The following NRXN3 variants were observed in gnomAD, a reference collection of about 807,000 sequenced individuals.
NRXN3 encodes the protein neurexin 3.
A neutral mutation model predicts 137.6 loss-of-function variants in NRXN3; 32 were observed. That is an observed-to-expected ratio of 0.23 (90% CI 0.18 to 0.31). The LOEUF (loss-of-function observed/expected upper bound fraction) is 0.31. NRXN3 is among the 10% of genes least tolerant of loss of function. NRXN3 has a pLI of 1.00. For missense variants in NRXN3, 1,574 were observed against 2,062.5 expected (o/e 0.76, Z 4.59); for synonymous variants, 798 against 784.5 (o/e 1.02, Z -0.29).
intron 19 of NRXN3, among the ~76,000 whole-genome samples, chr14:79,712,342 T>TA (rs2098807350): frequency 6.6e-6 from 1 of 152,250 alleles, no homozygotes; most frequent in Non-Finnish European, 1.5e-5. Context: ...CACACTTTTT[T>TA]ACCTTCCAGT....
chr14:79,396,237 G>A (rs888874897), intron 15 of NRXN3, among the ~76,000 whole-genome samples: 15 of 151,928 alleles, frequency 9.9e-5, no homozygotes, highest in African/African-American at 1.9e-4. Flanking sequence ...CGGGGGTTGC[G>A]TAATTATAGG....
Position 78,815,479 on chromosome 14 carries a change from C to CTTTTTTTT in NRXN3, c.2275+5150_2275+5157dup, listed in dbSNP as rs61411777. ...ACTTGCTTGGATAATTTGTTTCTTT[C>CTTTTTTTT]TTTTTTTTTTTTTTTTTTTTTTGCC... On this transcript the variant is annotated intron_variant, in intron 10 of 20. Transcript: ENST00000335750. 3.8e-3 allele frequency among the ~76,000 whole-genome samples: 324 copies of CTTTTTTTT among 84,416 alleles called. 4 individuals carry two copies. Among genetic ancestry groups the CTTTTTTTT allele is most frequent in the East Asian group, 9.1e-3 (20 of 2,198 alleles). The allele number at this position is 84,416 out of a possible 152,430, so 55.4% of individuals were successfully genotyped here.
At chr14:79,163,767 C>CA (rs765236355) in intron 15 of NRXN3, among the ~76,000 whole-genome samples, 2 of 151,886 alleles carry the variant, frequency 1.3e-5, no homozygotes, top group Non-Finnish European at 2.9e-5. Flanking sequence ...TTAGCCCTGC[C>CA]AAATGAATTT....
chr14:79,502,123 G>A (rs1202925895), intron 16 of NRXN3, among the ~76,000 whole-genome samples: 1 of 152,158 alleles, frequency 6.6e-6, no homozygotes, highest in Non-Finnish European at 1.5e-5. Flanking sequence ...ACCAACTGCA[G>A]GTCTGGCATG....
chr14:79,470,355 G>A (rs1166199992), intron 16 of NRXN3, among the ~76,000 whole-genome samples: 1 of 152,118 alleles, frequency 6.6e-6, no homozygotes, highest in East Asian at 1.9e-4. Flanking sequence ...TCAAGGTACT[G>A]GCAGGTCTGG....
At chr14:78,370,179 A>T (rs79375048) in intron 4 of NRXN3, among the ~76,000 whole-genome samples, 3,878 of 152,214 alleles carry the variant, frequency 0.025, 89 homozygotes, top group Non-Finnish European at 0.04. Flanking sequence ...CCTTGTCCCC[A>T]GTCCATGCTT....
chr14:79,005,135 A>G (rs943872820), intron 15 of NRXN3, among the ~76,000 whole-genome samples: 3 of 152,146 alleles, frequency 2.0e-5, no homozygotes, highest in Non-Finnish European at 2.9e-5. Flanking sequence ...ATAATCTCAA[A>G]TGTTTCACTA....
At chr14:79,466,441 A>C (rs1369422766) in intron 15 of NRXN3, among the ~76,000 whole-genome samples, 6 of 152,052 alleles carry the variant, frequency 3.9e-5, no homozygotes, top group Non-Finnish European at 1.5e-5. Flanking sequence ...CAAAAAAATT[A>C]GCCGGGCGTG....
intron 19 of NRXN3, among the ~76,000 whole-genome samples, chr14:79,725,255 T>TACATGTCTGAC (rs1308084921): frequency 6.6e-6 from 1 of 152,166 alleles, no homozygotes; most frequent in African/African-American, 2.4e-5. Flanking sequence ...TTTAGATTGA[T>TACATGTCTGAC]ACATGTCTGA....
rs1008446047 is a variant in NRXN3 at position 78,424,559 on chromosome 14, G to A, written c.757+126699G>A. Among the ~76,000 whole-genome samples the A allele has an allele frequency of 3.3e-5, 5 of 152,188 alleles. No homozygotes were observed. The East Asian group carries it at 9.6e-4, about 29-fold the overall frequency. On this transcript the variant is annotated intron_variant, in intron 4 of 20. Coordinates refer to ENST00000335750, the MANE Select transcript of NRXN3 (RefSeq NM_001330195.2). ...ATAGAAAGACATTCATAGTGCTAGA[G>A]GAAATGTCCTATAAAGCATTTATCA...
intron 3 of NRXN3, among the ~76,000 whole-genome samples, chr14:78,294,605 A>C (rs190131928): frequency 6.6e-6 from 1 of 151,828 alleles, no homozygotes; most frequent in Admixed American, 6.5e-5. Flanking sequence ...TGTAGGCACA[A>C]ATTTGTATAT....
intron 8 of NRXN3, among the ~76,000 whole-genome samples, chr14:78,754,354 C>G (rs1249619828): frequency 1.3e-5 from 2 of 152,178 alleles, no homozygotes; most frequent in African/African-American, 2.4e-5. Context: ...CTCCCCACCC[C>G]ACACCGTTCT....
chr14:78,268,381 A>T (rs2072155203), intron 2 of NRXN3, among the ~76,000 whole-genome samples: 1 of 152,110 alleles, frequency 6.6e-6, no homozygotes, highest in African/African-American at 2.4e-5. Context: ...CCAGCTTTTA[A>T]TCCTTTCTCT....
At chr14:78,310,752 G>A (rs537066238) in intron 4 of NRXN3, among the ~76,000 whole-genome samples, 1 of 152,194 alleles carries the variant, frequency 6.6e-6, no homozygotes, top group South Asian at 2.1e-4. Flanking sequence ...AACATGGTGG[G>A]TTAGAGTACT....
chr14:78,549,744 T>C (rs993909480), intron 4 of NRXN3, among the ~76,000 whole-genome samples: 1 of 152,240 alleles, frequency 6.6e-6, no homozygotes, highest in Non-Finnish European at 1.5e-5. Context: ...TCCCAGCTCT[T>C]GTTTCTCTAC....
At chr14:79,686,831 C>A (rs146386050) in intron 17 of NRXN3, among the ~76,000 whole-genome samples, 1 of 152,084 alleles carries the variant, frequency 6.6e-6, no homozygotes, top group Non-Finnish European at 1.5e-5. Context: ...ACTGTCTGCT[C>A]GTATATATTT....
At chr14:78,464,900 CTTATCCA>C (rs2095051730) in intron 4 of NRXN3, among the ~76,000 whole-genome samples, 1 of 152,190 alleles carries the variant, frequency 6.6e-6, no homozygotes, top group African/African-American at 2.4e-5. Flanking sequence ...CGTATTCTTA[CTTATCCA>C]TTATCAAGGT....
At chr14:78,416,149 G>A (rs945239579) in intron 4 of NRXN3, among the ~76,000 whole-genome samples, 1 of 152,142 alleles carries the variant, frequency 6.6e-6, no homozygotes, top group East Asian at 1.9e-4. Context: ...GGAGTGATTG[G>A]CAGCCATATT....
chr14:78,260,538 T>C (rs1402466353), intron 2 of NRXN3, among the ~76,000 whole-genome samples: 1 of 152,228 alleles, frequency 6.6e-6, no homozygotes, highest in Non-Finnish European at 1.5e-5. Context: ...CCAAATCTCA[T>C]TGTAGCTCCC....
Sources: allele counts gnomAD v4.1 joint callset (sites outside exome capture counted in the v4.1 genomes callset), GRCh38; gene constraint gnomAD v4.1.1; transcripts MANE v1.5; gene names NCBI Gene and HGNC (gene_info 2026-07-23, HGNC 2026-07-21).